Variants in MAGI1 observed in about 807,000 individuals in gnomAD.
The protein encoded by MAGI1 is membrane-associated guanylate kinase, WW and PDZ domain-containing protein 1.
In MAGI1, 58 loss-of-function variants were observed where a neutral mutation model predicts 139.9. The observed-to-expected ratio is 0.41, with a 90% CI of 0.34 to 0.52. The LOEUF is 0.52. MAGI1 is among the 20% of genes least tolerant of loss of function. The pLI is 0.12. For missense variants in MAGI1, 1,874 were observed against 1,901.6 expected, an observed-to-expected ratio of 0.99 and a Z score of 0.27; for synonymous variants, 812 against 737.9, an observed-to-expected ratio of 1.10 and a Z score of -1.63.
Position 65,364,744 on chromosome 3 carries a change from T to G in MAGI1, c.3291-19A>C, listed in dbSNP as rs1466158484. The stretch of plus-strand genomic sequence containing the variant: ...GGTATTCCTGCCAAAGTGAAAGAAA[T>G]AAATATAAGAGCAACCCATTAGCAA... On this transcript the variant is annotated intron_variant, in intron 19 of 22. Coordinates refer to ENST00000402939, the MANE Select transcript of MAGI1 (RefSeq NM_001033057.2). 1.2e-6 allele frequency: 2 copies of G among 1,613,324 alleles called. No individual in the cohort carries two copies. The highest frequency in any genetic ancestry group is 1.7e-5 in the Admixed American group (1 of 59,988).
rs185297309 is a variant in MAGI1 at position 65,480,115 on chromosome 3, C to A, written c.551-1317G>T. ...CTAAGGATCCAACCCCATTGTCTAA[C>A]CTCAGTACATAGTTACATAACAAAC... is the stretch of plus-strand genomic sequence containing the variant. On this transcript the variant is annotated intron_variant, in intron 3 of 22. Coordinates refer to ENST00000402939, the MANE Select transcript of MAGI1 (RefSeq NM_001033057.2). Among the ~76,000 whole-genome samples the A allele has an allele frequency of 4.1e-3, 622 of 151,158 alleles. 3 individuals are homozygous for A. The highest frequency in any genetic ancestry group is 0.024 in the Middle Eastern group (7 of 294).
At chr3:65,696,677 CAATAA>C (rs926875704) in intron 1 of MAGI1, among the ~76,000 whole-genome samples, 2 of 151,614 alleles carry the variant, frequency 1.3e-5, no homozygotes, top group African/African-American at 4.9e-5. Context: ...TGTGGCAATA[CAATAA>C]AATAAAATAA....
chr3:65,537,286 C>G (rs894471942), intron 2 of MAGI1, among the ~76,000 whole-genome samples: 6 of 152,148 alleles, frequency 3.9e-5, no homozygotes, highest in Non-Finnish European at 7.3e-5. Context: ...CAGGAAACTC[C>G]TATTGATCCT....
Position 65,383,516 on chromosome 3 carries a change from C to T in MAGI1, c.2508+16G>A, listed in dbSNP as rs752712540. On this transcript the variant is annotated intron_variant, in intron 15 of 22. Coordinates refer to ENST00000402939, the MANE Select transcript of MAGI1 (RefSeq NM_001033057.2). The stretch of plus-strand genomic sequence containing the variant: ...TAGAAAAATATGCTGGGAAGAGAGA[C>T]AAGCAAAAGACTCACAGGTTCCCCT... The T allele has an allele frequency of 1.3e-6, 2 of 1,591,732 alleles. No individual in the cohort carries two copies. Among genetic ancestry groups the T allele is most frequent in the African/African-American group, 2.7e-5 (2 of 74,400 alleles).
At chr3:65,623,932 G>A (rs893360471) in intron 1 of MAGI1, among the ~76,000 whole-genome samples, 3 of 152,044 alleles carry the variant, frequency 2.0e-5, no homozygotes, top group African/African-American at 4.8e-5. Context: ...ACACCCACAT[G>A]CCACATGAAG....
intron 1 of MAGI1, among the ~76,000 whole-genome samples, chr3:65,652,439 G>A (rs1185150008): frequency 1.3e-5 from 2 of 152,150 alleles, no homozygotes; most frequent in Admixed American, 6.5e-5. Flanking sequence ...TGTAGGATAT[G>A]TTAGCGGCAC....
chr3:65,856,464 C>G (rs1001081347), intron 1 of MAGI1, among the ~76,000 whole-genome samples: 1 of 152,140 alleles, frequency 6.6e-6, no homozygotes, highest in Non-Finnish European at 1.5e-5. Flanking sequence ...GAGCAAGACT[C>G]GATGAACTCA....
In MAGI1 at chr3:65,541,419, T is replaced by A. The variant is rs1012128597; in HGVS notation, c.431-47788A>T. ...AGAGGGACTCCTCCCTAACTCATTT[T>A]ATGAGGCCAGCATCATCCTGATACC... On this transcript the variant is annotated intron_variant, in intron 2 of 22. Transcript: ENST00000402939. 3.9e-5 allele frequency among the ~76,000 whole-genome samples: 6 copies of A among 152,328 alleles called. No individual in the cohort carries two copies. In the East Asian group the frequency reaches 1.2e-3, roughly 29 times the overall value.
At chr3:65,733,183 C>T (rs775133531) in intron 1 of MAGI1, among the ~76,000 whole-genome samples, 4 of 152,056 alleles carry the variant, frequency 2.6e-5, no homozygotes, top group Admixed American at 1.3e-4. Flanking sequence ...CTCAGCCTCC[C>T]GAGTAGCTGG....
At chr3:65,745,902 G>T (rs1462710849) in intron 1 of MAGI1, among the ~76,000 whole-genome samples, 3 of 152,060 alleles carry the variant, frequency 2.0e-5, no homozygotes, top group Non-Finnish European at 2.9e-5. Context: ...CTAATTTTTT[G>T]TATTTTTTAT....
intron 1 of MAGI1, among the ~76,000 whole-genome samples, chr3:65,935,949 C>A (rs2063030429): frequency 6.6e-6 from 1 of 152,206 alleles, no homozygotes; most frequent in Admixed American, 6.5e-5. Flanking sequence ...GTGAACTCGG[C>A]AGATGAGTAA....
chr3:66,022,299 T>C (rs2068009159), intron 1 of MAGI1, among the ~76,000 whole-genome samples: 1 of 152,206 alleles, frequency 6.6e-6, no homozygotes, highest in Non-Finnish European at 1.5e-5. Flanking sequence ...CCTATGGCAG[T>C]ATTTTCCCAC....
intron 2 of MAGI1, among the ~76,000 whole-genome samples, chr3:65,544,918 A>G (rs897984815): frequency 1.3e-5 from 2 of 152,204 alleles, no homozygotes; most frequent in African/African-American, 4.8e-5. Flanking sequence ...TATAAATATA[A>G]ACAGCCACAT....
At position 65,862,431 on chromosome 3, in the gene MAGI1, T is replaced by C. The variant is rs1431188752; in HGVS notation, c.313+175565A>G. ...TCTTCCCTTTCTGTCTCTGTGTTTC[T>C]CTCCTCTAGATCATTCTCAACACCA... On this transcript the variant is annotated intron_variant, in intron 1 of 22. Coordinates refer to ENST00000402939, the MANE Select transcript of MAGI1 (RefSeq NM_001033057.2). 2.0e-5 allele frequency among the ~76,000 whole-genome samples: 3 copies of C among 152,202 alleles called. No homozygotes were observed. In the East Asian group the frequency reaches 5.8e-4, roughly 29 times the overall value.
intron 12 of MAGI1, among the ~76,000 whole-genome samples, chr3:65,411,894 T>C (rs1945822952): frequency 6.6e-6 from 1 of 152,118 alleles, no homozygotes; most frequent in Non-Finnish European, 1.5e-5. Flanking sequence ...TCTGAATCCA[T>C]CCAAGTTCAT....
intron 2 of MAGI1, among the ~76,000 whole-genome samples, chr3:65,618,048 G>T (rs1292211313): frequency 6.6e-6 from 1 of 152,214 alleles, no homozygotes; most frequent in Admixed American, 6.5e-5. Flanking sequence ...AGCAACGGAG[G>T]ACTTCGTGGA....
intron 1 of MAGI1, among the ~76,000 whole-genome samples, chr3:66,033,995 C>T (rs1245385587): frequency 3.3e-5 from 5 of 152,270 alleles, no homozygotes; most frequent in Middle Eastern, 3.4e-3. Flanking sequence ...AGAGCTTATT[C>T]TAGAACCCAG....
chr3:65,581,145 C>G (rs1311521649), intron 2 of MAGI1, among the ~76,000 whole-genome samples: 3 of 151,964 alleles, frequency 2.0e-5, no homozygotes, highest in Non-Finnish European at 4.4e-5. Context: ...CTTCTGCATC[C>G]AAGTTTGACT....
At chr3:65,924,281 A>G (rs896322360) in intron 1 of MAGI1, among the ~76,000 whole-genome samples, 3 of 152,190 alleles carry the variant, frequency 2.0e-5, no homozygotes, top group Admixed American at 1.3e-4. Context: ...TCCTTTCCAC[A>G]TATCAAATTC....
Sources: gnomAD v4.1 joint callset for allele counts (sites outside exome capture counted in the v4.1 genomes callset) on GRCh38, gnomAD v4.1.1 for gene constraint, MANE v1.5 for transcripts, NCBI Gene and HGNC (gene_info 2026-07-23, HGNC 2026-07-21) for gene names.